Variants in MEI4 observed in about 807,000 individuals in gnomAD.
The protein encoded by MEI4 is meiosis-specific protein MEI4.
In MEI4, 27 loss-of-function variants were observed where a neutral mutation model predicts 31.4. The observed-to-expected ratio is 0.86, with a 90% CI of 0.63 to 1.19. MEI4 has a LOEUF of 1.19. Ranked by LOEUF, MEI4 falls within the 50% of genes most tolerant of loss-of-function variation. MEI4 has a pLI of 0.00. For synonymous variants in MEI4, 122 were observed against 145.4 expected, an observed-to-expected ratio of 0.84 and a Z score of 1.16; for missense variants, 329 against 398.9, an observed-to-expected ratio of 0.82 and a Z score of 1.49.
chr6:77,908,627 G>C (rs998163336), intron 4 of MEI4, among the ~76,000 whole-genome samples: 1 of 152,048 alleles, frequency 6.6e-6, no homozygotes, highest in Non-Finnish European at 1.5e-5. Context: ...ACTTGGCAAT[G>C]TGGGCTCTTT....
At chr6:77,907,857 G>A (rs888100711) in intron 4 of MEI4, among the ~76,000 whole-genome samples, 2 of 151,938 alleles carry the variant, frequency 1.3e-5, no homozygotes, top group Admixed American at 6.6e-5. Flanking sequence ...GGTATGAGAT[G>A]GTATCTCATT....
intron 4 of MEI4, among the ~76,000 whole-genome samples, chr6:77,858,117 A>G (rs1022347934): frequency 6.6e-6 from 1 of 152,214 alleles, no homozygotes; most frequent in Admixed American, 6.5e-5. Flanking sequence ...ATTACACAAT[A>G]GTTTCAGTTA....
intron 1 of MEI4, among the ~76,000 whole-genome samples, chr6:77,678,097 T>A (rs547470385): frequency 3.3e-5 from 5 of 152,322 alleles, no homozygotes; most frequent in Admixed American, 6.5e-5. Context: ...CAAGGCTAGT[T>A]CTTATTGCTT....
Position 77,730,426 on chromosome 6 carries a change from A to T in MEI4, c.233-30704A>T, listed in dbSNP as rs114588830. Among the ~76,000 whole-genome samples, 770 of 152,112 alleles carry T rather than the reference A, an allele frequency of 5.1e-3. 2 individuals carry two copies. The highest frequency in any genetic ancestry group is 0.017 in the Middle Eastern group (5 of 294). The stretch of plus-strand genomic sequence containing the variant: ...ACACTTCCTGTTTGTTAGGAAACGG[A>T]ATTAGGACTATGTTTTCACTATACT... On this transcript the variant is annotated intron_variant, in intron 2 of 4. Transcript: ENST00000684080.
Position 77,925,075 on chromosome 6 carries a change from C to CTTCT in MEI4, c.*1733_*1736dup, listed in dbSNP as rs1766812798. On this transcript the variant is annotated 3_prime_UTR_variant, in exon 5 of 5. Coordinates refer to ENST00000684080, the MANE Select transcript of MEI4 (RefSeq NM_001322247.2). The stretch of plus-strand genomic sequence containing the variant: ...AATCCACTTTCCATGACACCTTCAT[C>CTTCT]TTCTTTCATTGTGATTAAACAAGAT... 1 of 151,864 alleles carries CTTCT rather than the reference C, an allele frequency of 6.6e-6. No individual in the cohort carries two copies. Among genetic ancestry groups the CTTCT allele is most frequent in the South Asian group, 2.1e-4 (1 of 4,828 alleles). 9.4% of individuals were successfully genotyped at this position (151,864 alleles called of 1,614,324 possible). A position where few individuals can be genotyped will look rare whatever the true frequency, so the allele number is the denominator to read the frequency against.
chr6:77,709,337 G>C (rs1766404861), intron 2 of MEI4, among the ~76,000 whole-genome samples: 1 of 152,168 alleles, frequency 6.6e-6, no homozygotes, highest in African/African-American at 2.4e-5. Context: ...GTGTCCTCTT[G>C]TGGTGCTGGA....
Position 77,678,706 on chromosome 6 carries a change from A to C in MEI4, c.-14-11952A>C, listed in dbSNP as rs1298156594. The stretch of plus-strand genomic sequence containing the variant: ...ATGTTTTATCATTATCTTGGAGTGC[A>C]CTCTTTCTACTTATTAAAAAAAAAA... On this transcript the variant is annotated intron_variant, in intron 1 of 4. Coordinates refer to ENST00000684080, the MANE Select transcript of MEI4 (RefSeq NM_001322247.2). 2.0e-5 allele frequency among the ~76,000 whole-genome samples: 3 copies of C among 146,644 alleles called. No individual in the cohort carries two copies. In the East Asian group the frequency reaches 6.1e-4, roughly 30 times the overall value.
At chr6:77,658,958 A>T (rs1768449659) in intron 1 of MEI4, among the ~76,000 whole-genome samples, 1 of 152,214 alleles carries the variant, frequency 6.6e-6, no homozygotes, top group African/African-American at 2.4e-5. Context: ...TCATTTAAGA[A>T]TATGCAGAGT....
At chr6:77,879,744 G>A (rs1041720139) in intron 4 of MEI4, among the ~76,000 whole-genome samples, 2 of 152,166 alleles carry the variant, frequency 1.3e-5, no homozygotes, top group Admixed American at 1.3e-4. Context: ...TGTACAAGGA[G>A]AACATGCCAT....
chr6:77,859,712 A>G (rs1235005340), intron 4 of MEI4, among the ~76,000 whole-genome samples: 1 of 151,904 alleles, frequency 6.6e-6, no homozygotes, highest in Non-Finnish European at 1.5e-5. Flanking sequence ...TATTGGGGCT[A>G]CTCGTGCATA....
At chr6:77,857,889 A>G (rs1236709357) in intron 4 of MEI4, among the ~76,000 whole-genome samples, 1 of 152,196 alleles carries the variant, frequency 6.6e-6, no homozygotes, top group Non-Finnish European at 1.5e-5. Context: ...GTGCATAGTG[A>G]TGTTCAAGTC....
intron 2 of MEI4, among the ~76,000 whole-genome samples, chr6:77,716,463 G>C (rs1201479978): frequency 6.6e-6 from 1 of 152,128 alleles, no homozygotes; most frequent in Non-Finnish European, 1.5e-5. Flanking sequence ...ATTGTCAGCA[G>C]ATGAGTGACA....
chr6:77,851,610 A>T (rs1167068636), intron 4 of MEI4, among the ~76,000 whole-genome samples: 1 of 123,562 alleles, frequency 8.1e-6, no homozygotes, highest in Non-Finnish European at 1.6e-5. Context: ...AGGAAGGGGA[A>T]CATCACATAC....
At chr6:77,790,640 A>G (rs1229585206) in intron 3 of MEI4, among the ~76,000 whole-genome samples, 1 of 152,158 alleles carries the variant, frequency 6.6e-6, no homozygotes, top group Non-Finnish European at 1.5e-5. Context: ...CAGATTCATT[A>G]TGTTTAGAGA....
chr6:77,659,369 C>G (rs1180493596), intron 1 of MEI4, among the ~76,000 whole-genome samples: 2 of 152,000 alleles, frequency 1.3e-5, no homozygotes, highest in Non-Finnish European at 2.9e-5. Context: ...AAGAAGAGAC[C>G]TTGTGTGAGG....
At chr6:77,878,244 G>A (rs759213340) in intron 4 of MEI4, among the ~76,000 whole-genome samples, 1 of 151,946 alleles carries the variant, frequency 6.6e-6, no homozygotes, top group Non-Finnish European at 1.5e-5. Flanking sequence ...TGATATTAAG[G>A]CCTCACTACT....
At chr6:77,704,932 T>C (rs1766299531) in intron 2 of MEI4, among the ~76,000 whole-genome samples, 1 of 152,054 alleles carries the variant, frequency 6.6e-6, no homozygotes, top group Non-Finnish European at 1.5e-5. Flanking sequence ...AATAAGTGTT[T>C]ATTAAGAGCC....
chr6:77,815,946 G>A (rs1184087747), intron 3 of MEI4, among the ~76,000 whole-genome samples: 25 of 151,416 alleles, frequency 1.7e-4, no homozygotes, highest in Admixed American at 1.5e-3. Flanking sequence ...TATAGGCAGA[G>A]GGTTATATGA....
At chr6:77,849,848 A>G (rs1446843942) in intron 4 of MEI4, among the ~76,000 whole-genome samples, 1 of 152,168 alleles carries the variant, frequency 6.6e-6, no homozygotes, top group African/African-American at 2.4e-5. Flanking sequence ...ACTTTATACA[A>G]TATTTTGTTA....
Sources: allele counts gnomAD v4.1 joint callset (sites outside exome capture counted in the v4.1 genomes callset), GRCh38; gene constraint gnomAD v4.1.1; transcripts MANE v1.5; gene names NCBI Gene and HGNC (gene_info 2026-07-23, HGNC 2026-07-21).